Variants in DHCR24 observed in about 807,000 individuals in gnomAD.
The protein encoded by DHCR24 is 24-dehydrocholesterol reductase.
Under a neutral mutation model 61.2 loss-of-function variants are expected in DHCR24, and 28 were observed. The ratio of observed to expected loss-of-function variants is 0.46; its 90% CI spans 0.34 to 0.63. The LOEUF is 0.63. Ranked by LOEUF, DHCR24 falls within the 20% of genes least tolerant of loss-of-function variation. The pLI, the probability that DHCR24 is intolerant of heterozygous loss-of-function variation, is 0.01. For missense variants in DHCR24, 538 were observed against 679.1 expected (o/e 0.79, Z 2.31); for synonymous variants, 261 against 275.9 (o/e 0.95, Z 0.54).
chr1:54,866,505 G>A (rs1646968656), intron 5 of DHCR24, among the ~76,000 whole-genome samples: 2 of 152,104 alleles, frequency 1.3e-5, no homozygotes. Context: ...CGTACTGTTT[G>A]CCAATTTGCT....
intron 6 of DHCR24, among the ~76,000 whole-genome samples, chr1:54,854,756 G>C (rs574020536): frequency 3.9e-4 from 59 of 152,282 alleles, no homozygotes; most frequent in African/African-American, 1.3e-3. Context: ...GCTCAGGTTC[G>C]ACAAGGAGCC....
chr1:54,886,588 T>A (rs751479976), intron 1 of DHCR24: 248 of 1,417,644 alleles, frequency 1.7e-4, no homozygotes, highest in Non-Finnish European at 2.3e-4. Context: ...CCTTTCCTTC[T>A]CTGAAATGCT....
chr1:54,879,331 A>G (rs1195022636), intron 2 of DHCR24, among the ~76,000 whole-genome samples: 1 of 76,068 alleles, frequency 1.3e-5, no homozygotes, highest in Non-Finnish European at 2.7e-5. Context: ...TGAAAAAAAA[A>G]AAAAAAAAAA....
chr1:54,865,454 GAC>G lies in DHCR24; in HGVS notation c.877-10_877-9del, dbSNP rs1646963309. 1.2e-6 allele frequency: 2 copies of G among 1,614,034 alleles called. No individual in the cohort carries two copies. The highest frequency in any genetic ancestry group is 2.2e-5 in the East Asian group (1 of 44,870). The stretch of plus-strand genomic sequence containing the variant: ...ATTGCCAATGCTATTCAGCTGAAAT[GAC>G]AGAGGGCATTGTGATCAGCCTGCAG... On this transcript the variant is annotated splice_polypyrimidine_tract_variant and intron_variant, in intron 5 of 8. Coordinates refer to ENST00000371269, the MANE Select transcript of DHCR24 (RefSeq NM_014762.4).
chr1:54,868,780 G>A (rs57902512), intron 5 of DHCR24, among the ~76,000 whole-genome samples: 2 of 151,890 alleles, frequency 1.3e-5, no homozygotes, highest in Non-Finnish European at 2.9e-5. Context: ...CAATAAACAA[G>A]AAAAAGGCTG....
chr1:54,852,193 G>T lies in DHCR24; in HGVS notation c.*40C>A. ...AAGCTTGAGTGAAGGGAAGATGCCT[G>T]ACCACTCACACGTGTCTGTCTCTCC... is the stretch of plus-strand genomic sequence containing the variant. On this transcript the variant is annotated 3_prime_UTR_variant, in exon 9 of 9. Transcript: ENST00000371269. 1 of 1,613,092 alleles carries T rather than the reference G, an allele frequency of 6.2e-7. No individual in the cohort carries two copies. Among genetic ancestry groups the T allele is most frequent in the Non-Finnish European group, 8.5e-7 (1 of 1,179,522 alleles).
chr1:54,879,988 A>AAT (rs1216825840), intron 2 of DHCR24, among the ~76,000 whole-genome samples: 52 of 152,196 alleles, frequency 3.4e-4, no homozygotes, highest in African/African-American at 1.2e-3. Flanking sequence ...GAAATGAAAT[A>AAT]ATAAAGACCA....
intron 4 of DHCR24, among the ~76,000 whole-genome samples, chr1:54,872,176 C>G (rs1363235993): frequency 6.6e-6 from 1 of 152,154 alleles, no homozygotes; most frequent in Non-Finnish European, 1.5e-5. Flanking sequence ...CATGACTCAC[C>G]AAAGTCTTCC....
At chr1:54,884,931 G>A (rs1200576465) in intron 1 of DHCR24, among the ~76,000 whole-genome samples, 1 of 152,178 alleles carries the variant, frequency 6.6e-6, no homozygotes, top group Non-Finnish European at 1.5e-5. Context: ...GATGGCAGAG[G>A]GATGGACAGA....
At chr1:54,875,542 G>A (rs186268280) in intron 3 of DHCR24, among the ~76,000 whole-genome samples, 1 of 152,138 alleles carries the variant, frequency 6.6e-6, no homozygotes, top group African/African-American at 2.4e-5. Flanking sequence ...GGGTTGAAGG[G>A]GTGACAGGAA....
chr1:54,886,602 GCCGGGTGAGAGTTA>G, intron 1 of DHCR24: 1 of 1,444,152 alleles, frequency 6.9e-7, no homozygotes, highest in Non-Finnish European at 9.2e-7. Flanking sequence ...AAATGCTTGG[GCCGGGTGAGAGTTA>G]CCTGAGTGCT....
intron 5 of DHCR24, 121 bp downstream of exon 5, chr1:54,871,229 G>A: frequency 8.0e-7 from 1 of 1,255,812 alleles, no homozygotes; most frequent in Non-Finnish European, 1.1e-6. Flanking sequence ...CCCCAGGTGG[G>A]TTGACCCAGG....
At chr1:54,857,253 G>T (rs2101558432) in intron 6 of DHCR24, among the ~76,000 whole-genome samples, 1 of 152,332 alleles carries the variant, frequency 6.6e-6, no homozygotes, top group South Asian at 2.1e-4. Context: ...GAATCTCACT[G>T]CAGCCCTTGT....
chr1:54,853,286 C>T (rs774769886), intron 8 of DHCR24, 148 bp downstream of exon 8: 13 of 1,037,494 alleles, frequency 1.3e-5, no homozygotes, highest in Non-Finnish European at 1.9e-5. Flanking sequence ...TACCTCCTGA[C>T]CCAGAGGCTG....
At chr1:54,852,434 G>A (rs369044808) in intron 8 of DHCR24, 48 bp from the exon 9 acceptor site, 15 of 1,609,264 alleles carry the variant, frequency 9.3e-6, no homozygotes, top group Admixed American at 1.7e-5. Context: ...CACACGGAAC[G>A]CGAGGCGTGA....
rs1646994258 is a variant in DHCR24 at position 54,870,776 on chromosome 1, CAT to C, written c.876+572_876+573del. On this transcript the variant is annotated intron_variant, in intron 5 of 8. Coordinates refer to ENST00000371269, the MANE Select transcript of DHCR24 (RefSeq NM_014762.4). ...CACATTAGCAACACTGGCTTTGGGA[CAT>C]ATTTACAGGTGGAGTCTTTTCTTTC... 2.0e-5 allele frequency among the ~76,000 whole-genome samples: 3 copies of C among 152,294 alleles called. No individual in the cohort carries two copies. In the South Asian group the frequency reaches 6.2e-4, roughly 32 times the overall value.
intron 5 of DHCR24, among the ~76,000 whole-genome samples, chr1:54,868,064 C>G (rs897419387): frequency 6.6e-6 from 1 of 152,152 alleles, no homozygotes; most frequent in Non-Finnish European, 1.5e-5. Flanking sequence ...GAGGATTGTA[C>G]CGGATGATTT....
rs1646872313 is a variant in DHCR24 at position 54,850,990 on chromosome 1, T to C, written c.*1243A>G. The C allele has an allele frequency of 6.6e-6, 1 of 152,522 alleles. No individual in the cohort carries two copies. The highest frequency in any genetic ancestry group is 2.4e-5 in the African/African-American group (1 of 41,450). The allele number at this position is 152,522 out of a possible 1,614,324, so 9.4% of individuals were successfully genotyped here. ...ACGCAATTCCTTCTCAGATTCGGGT[T>C]TTCAGCTGAGGCTGGGCAGTTCTTA... is the stretch of plus-strand genomic sequence containing the variant. On this transcript the variant is annotated 3_prime_UTR_variant, in exon 9 of 9. Transcript: ENST00000371269.
chr1:54,872,605 C>T (rs1647005742), intron 4 of DHCR24, among the ~76,000 whole-genome samples: 1 of 152,094 alleles, frequency 6.6e-6, no homozygotes, highest in Non-Finnish European at 1.5e-5. Flanking sequence ...ATCACATTCT[C>T]CTGGCCATGG....
Sources: allele counts gnomAD v4.1 joint callset (sites outside exome capture counted in the v4.1 genomes callset), GRCh38; gene constraint gnomAD v4.1.1; transcripts MANE v1.5; gene names NCBI Gene and HGNC (gene_info 2026-07-23, HGNC 2026-07-21).